STX8: variants seen among roughly 807,000 people sequenced by gnomAD.
STX8 encodes syntaxin-8.
STX8 carries 23 observed loss-of-function variants against 37.5 expected under a neutral mutation model. The ratio of observed to expected loss-of-function variants is 0.61; its 90% CI spans 0.44 to 0.87. The LOEUF (loss-of-function observed/expected upper bound fraction) is 0.87. STX8 is among the 40% of genes least tolerant of loss of function. The pLI is 0.00. For synonymous variants in STX8, 115 were observed against 99.1 expected, an observed-to-expected ratio of 1.16 and a Z score of -0.95; for missense variants, 313 against 284.7, an observed-to-expected ratio of 1.10 and a Z score of -0.71.
At chr17:9,516,298 C>CATATATATATATATAT (rs150682084) in intron 4 of STX8, among the ~76,000 whole-genome samples, 16 of 51,740 alleles carry the variant, frequency 3.1e-4, no homozygotes, top group African/African-American at 4.7e-4. Context: ...GAACCACAGT[C>CATATATATATATATAT]ATATATATAT....
intron 6 of STX8, among the ~76,000 whole-genome samples, chr17:9,462,490 G>A (rs1002163385): frequency 2.0e-5 from 3 of 152,168 alleles, no homozygotes; most frequent in African/African-American, 7.2e-5. Flanking sequence ...GGGAGGCCGA[G>A]GTGGGAGGAT....
chr17:9,575,781 C>T lies in STX8; in HGVS notation c.17+11G>A. 2 of 1,544,392 alleles carry T rather than the reference C, an allele frequency of 1.3e-6. No individual in the cohort carries two copies. Among genetic ancestry groups the T allele is most frequent in the Non-Finnish European group, 1.7e-6 (2 of 1,145,896 alleles). ...TCCCTCCACGCACCGCCGCCCTCAC[C>T]CGGGACTCACCAGGGGTCCGGTGCC... On this transcript the variant is annotated intron_variant, in intron 1 of 7. Coordinates refer to ENST00000306357, the MANE Select transcript of STX8 (RefSeq NM_004853.3).
At chr17:9,447,647 T>C (rs955374638) in intron 6 of STX8, among the ~76,000 whole-genome samples, 1 of 151,968 alleles carries the variant, frequency 6.6e-6, no homozygotes, top group African/African-American at 2.4e-5. Flanking sequence ...GGTCTCGAAC[T>C]CCTGACCTCA....
chr17:9,484,592 G>C (rs6503207), intron 6 of STX8, among the ~76,000 whole-genome samples: 37,327 of 149,122 alleles, frequency 0.25, 5,125 homozygotes, highest in African/African-American at 0.37. Context: ...GAGGTGGGTA[G>C]ATTGCCTGAG....
chr17:9,359,055 T>C (rs1910974322), intron 7 of STX8, among the ~76,000 whole-genome samples: 1 of 152,194 alleles, frequency 6.6e-6, no homozygotes, highest in African/African-American at 2.4e-5. Context: ...TTTCTTTTTT[T>C]TTTTGAGATG....
At chr17:9,503,478 A>C (rs1237001495) in intron 5 of STX8, among the ~76,000 whole-genome samples, 1 of 152,162 alleles carries the variant, frequency 6.6e-6, no homozygotes, top group Admixed American at 6.5e-5. Context: ...CATATCAACT[A>C]CATCTCAATA....
At chr17:9,291,111 C>T (rs1908296925) in intron 7 of STX8, among the ~76,000 whole-genome samples, 1 of 152,298 alleles carries the variant, frequency 6.6e-6, no homozygotes, top group Middle Eastern at 3.4e-3. Context: ...GCTTCAATTA[C>T]TGAGATTAAA....
chr17:9,425,356 T>C (rs1024921493), intron 6 of STX8, among the ~76,000 whole-genome samples: 19 of 152,200 alleles, frequency 1.2e-4, no homozygotes, highest in African/African-American at 4.1e-4. Context: ...GGTTCATTCA[T>C]TTTAATCATA....
chr17:9,472,742 G>A (rs1307054982), intron 6 of STX8, among the ~76,000 whole-genome samples: 1 of 152,176 alleles, frequency 6.6e-6, no homozygotes, highest in Non-Finnish European at 1.5e-5. Flanking sequence ...AAAGGAAGCC[G>A]GGTGAGTCAC....
At chr17:9,438,916 G>A (rs989021528) in intron 6 of STX8, among the ~76,000 whole-genome samples, 2 of 152,076 alleles carry the variant, frequency 1.3e-5, no homozygotes, top group South Asian at 2.1e-4. Context: ...GTGACAGAGC[G>A]AGACTCCATC....
rs183018963 is a variant in STX8, at chr17:9,505,666, C to T, written c.324-504G>A. 5.3e-5 allele frequency among the ~76,000 whole-genome samples: 8 copies of T among 152,198 alleles called. No homozygotes were observed. In the South Asian group the frequency reaches 6.2e-4, roughly 12 times the overall value. On this transcript the variant is annotated intron_variant, in intron 4 of 7. Transcript: ENST00000306357. Reference sequence around the variant, plus strand: ...CCATTAAAGGGTATTTGGAGCCGGGCGCAGTGGCTCATGTGTGTAATCCCA... The same window carrying T: ...CCATTAAAGGGTATTTGGAGCCGGGTGCAGTGGCTCATGTGTGTAATCCCA...
intron 6 of STX8, among the ~76,000 whole-genome samples, chr17:9,385,923 G>A (rs1457822087): frequency 6.6e-6 from 1 of 152,094 alleles, no homozygotes; most frequent in Non-Finnish European, 1.5e-5. Flanking sequence ...ACAGGCACGC[G>A]CCACTGCGCC....
chr17:9,481,457 A>G (rs1906341380), intron 6 of STX8, among the ~76,000 whole-genome samples: 1 of 152,082 alleles, frequency 6.6e-6, no homozygotes, highest in Non-Finnish European at 1.5e-5. Flanking sequence ...ATCAGACAAC[A>G]TCACTCCTGC....
At chr17:9,265,571 G>A (rs1907205879) in intron 7 of STX8, among the ~76,000 whole-genome samples, 1 of 152,234 alleles carries the variant, frequency 6.6e-6, no homozygotes, top group African/African-American at 2.4e-5. Context: ...TACACATTGA[G>A]CAGCTCAATA....
chr17:9,345,148 TTTTC>T (rs1362422578), intron 7 of STX8, among the ~76,000 whole-genome samples: 4 of 151,788 alleles, frequency 2.6e-5, no homozygotes, highest in Admixed American at 6.6e-5. Context: ...ACAGCTCTCA[TTTTC>T]TTTCTTTTTT....
At chr17:9,320,898 C>CAAA (rs569712332) in intron 7 of STX8, among the ~76,000 whole-genome samples, 1,048 of 78,862 alleles carry the variant, frequency 0.013, 17 homozygotes, top group African/African-American at 0.04. Flanking sequence ...GACTATTTTC[C>CAAA]AAAAAAAAAA....
At chr17:9,313,134 T>G (rs566112895) in intron 7 of STX8, among the ~76,000 whole-genome samples, 1 of 152,058 alleles carries the variant, frequency 6.6e-6, no homozygotes, top group South Asian at 2.1e-4. Flanking sequence ...GAGGTTATGG[T>G]GAGCCGAGAT....
intron 4 of STX8, among the ~76,000 whole-genome samples, chr17:9,524,696 A>C (rs1905490179): frequency 6.6e-6 from 1 of 152,166 alleles, no homozygotes; most frequent in African/African-American, 2.4e-5. Flanking sequence ...TTGATTTGCT[A>C]TTATTACACC....
intron 7 of STX8, among the ~76,000 whole-genome samples, chr17:9,287,425 G>C (rs1220542937): frequency 1.3e-5 from 2 of 152,112 alleles, no homozygotes; most frequent in Non-Finnish European, 2.9e-5. Flanking sequence ...GAAACATGGG[G>C]GCAACAGGCA....
Sources: allele counts gnomAD v4.1 joint callset (sites outside exome capture counted in the v4.1 genomes callset), GRCh38; gene constraint gnomAD v4.1.1; transcripts MANE v1.5; gene names NCBI Gene and HGNC (gene_info 2026-07-23, HGNC 2026-07-21).